Variants in ASPRV1 observed in about 807,000 individuals in gnomAD.
ASPRV1 encodes the protein retroviral-like aspartic protease 1.
A neutral mutation model predicts 11.0 loss-of-function variants in ASPRV1; 7 were observed. That is an observed-to-expected ratio of 0.64 (90% confidence interval 0.36 to 1.20). The LOEUF (loss-of-function observed/expected upper bound fraction) is 1.20. Ranked by LOEUF, ASPRV1 falls within the 50% of genes most tolerant of loss-of-function variation. ASPRV1 has a pLI of 0.02. For synonymous variants in ASPRV1, 136 were observed against 138.4 expected (o/e 0.98, Z 0.12); for missense variants, 299 against 320.0 (o/e 0.93, Z 0.50).
chr2:69,933,028 A>T, the ASPRV1 span, among the ~76,000 whole-genome samples: 1 of 151,810 alleles, frequency 6.6e-6, no homozygotes, highest in Non-Finnish European at 1.5e-5. Flanking sequence ...GTGAAACCCC[A>T]TCTCTGCTAA....
At chr2:69,988,720 A>C in the ASPRV1 span, 1 of 452,260 alleles carries the variant, frequency 2.2e-6, no homozygotes, top group African/African-American at 2.0e-5. Flanking sequence ...AAACAAACAA[A>C]AACCTTCCCC....
chr2:69,935,282 T>G, the ASPRV1 span: 1 of 1,103,046 alleles, frequency 9.1e-7, no homozygotes, highest in Non-Finnish European at 1.4e-6. Flanking sequence ...CTTTGAGAAC[T>G]CATTCTGCCT....
At chr2:70,049,071 G>A in the ASPRV1 span, 1 of 149,634 alleles carries the variant, frequency 6.7e-6, no homozygotes, top group Non-Finnish European at 1.5e-5. Flanking sequence ...AAGTTTTAGG[G>A]TACATGTGCA....
At chr2:70,026,920 T>C in the ASPRV1 span, among the ~76,000 whole-genome samples, 2 of 151,866 alleles carry the variant, frequency 1.3e-5, no homozygotes, top group Non-Finnish European at 2.9e-5. Flanking sequence ...AGAACAAAAC[T>C]AGAGGCATCG....
upstream of ASPRV1, chr2:69,964,231 C>G (rs1479342133): frequency 2.7e-6 from 1 of 376,874 alleles, no homozygotes; most frequent in Non-Finnish European, 5.3e-6. Context: ...CCAAGCCCAC[C>G]TTGGCCCCAT....
chr2:69,991,673 G>A, the ASPRV1 span, among the ~76,000 whole-genome samples: 3 of 152,046 alleles, frequency 2.0e-5, no homozygotes, highest in African/African-American at 4.8e-5. Context: ...TCAGTCTCCC[G>A]AGTAGCTGGG....
At chr2:70,070,865 T>C in the ASPRV1 span, 43,913 of 147,410 alleles carry the variant, frequency 0.3, 6,643 homozygotes, top group East Asian at 0.36. Flanking sequence ...AGACAAACTA[T>C]ATAAAAAACA....
chr2:70,013,707 C>T, the ASPRV1 span, among the ~76,000 whole-genome samples: 12 of 152,224 alleles, frequency 7.9e-5, no homozygotes, highest in Admixed American at 2.6e-4. Flanking sequence ...CTGGCCAATA[C>T]GGTGAAACCC....
At chr2:70,075,009 G>T in the ASPRV1 span, 2 of 151,876 alleles carry the variant, frequency 1.3e-5, no homozygotes, top group Admixed American at 6.5e-5. Context: ...AGCTACATGG[G>T]AGGCTGAGGC....
At chr2:69,949,941 G>A in the ASPRV1 span, among the ~76,000 whole-genome samples, 4 of 151,958 alleles carry the variant, frequency 2.6e-5, no homozygotes, top group Admixed American at 6.6e-5. Context: ...TCAGCCTCCC[G>A]AGTAGCTGGG....
the ASPRV1 span, among the ~76,000 whole-genome samples, chr2:69,947,063 G>A: frequency 2.6e-5 from 4 of 152,194 alleles, no homozygotes; most frequent in African/African-American, 4.8e-5. Context: ...CAGAACAACC[G>A]TAGGTAGAGC....
the ASPRV1 span, among the ~76,000 whole-genome samples, chr2:70,063,116 T>C: frequency 6.6e-6 from 1 of 152,154 alleles, no homozygotes; most frequent in South Asian, 2.1e-4. Context: ...GTAAGTACTC[T>C]ATCTTCATGA....
chr2:69,968,026 G>A, the ASPRV1 span, among the ~76,000 whole-genome samples: 1 of 152,116 alleles, frequency 6.6e-6, no homozygotes, highest in Admixed American at 6.5e-5. Flanking sequence ...AGGTTGCAGT[G>A]AGCTAAGATA....
chr2:69,951,446 AGTGTGTGTGTGT>A, the ASPRV1 span, among the ~76,000 whole-genome samples: 258 of 107,350 alleles, frequency 2.4e-3, no homozygotes, highest in Middle Eastern at 0.015. Flanking sequence ...AAAAAAAGTG[AGTGTGTGTGTGT>A]GTGTGTGTGT....
At chr2:69,977,516 C>T in the ASPRV1 span, among the ~76,000 whole-genome samples, 3 of 152,148 alleles carry the variant, frequency 2.0e-5, no homozygotes, top group Admixed American at 6.5e-5. Flanking sequence ...CCGGTATCTG[C>T]GTGACCTTGG....
the ASPRV1 span, among the ~76,000 whole-genome samples, chr2:69,933,025 C>G: frequency 6.6e-6 from 1 of 151,684 alleles, no homozygotes; most frequent in South Asian, 2.1e-4. Context: ...ATGGTGAAAC[C>G]CCATCTCTGC....
chr2:69,978,202 C>T, the ASPRV1 span, among the ~76,000 whole-genome samples: 2 of 152,116 alleles, frequency 1.3e-5, no homozygotes, highest in Non-Finnish European at 2.9e-5. Flanking sequence ...CTTGCTCCAA[C>T]CCCCAGAGAA....
the ASPRV1 span, among the ~76,000 whole-genome samples, chr2:70,000,376 A>G: frequency 6.6e-6 from 1 of 151,682 alleles, no homozygotes; most frequent in Non-Finnish European, 1.5e-5. Context: ...TATGACAGAC[A>G]AGGAGTTAAT....
chr2:69,989,185 C>T, the ASPRV1 span, among the ~76,000 whole-genome samples: 2 of 152,218 alleles, frequency 1.3e-5, no homozygotes, highest in African/African-American at 4.8e-5. Flanking sequence ...CTGGCTCCAT[C>T]TCCTCCTGGA....
Sources: gnomAD v4.1 joint callset for allele counts (sites outside exome capture counted in the v4.1 genomes callset) on GRCh38, gnomAD v4.1.1 for gene constraint, MANE v1.5 for transcripts, NCBI Gene and HGNC (gene_info 2026-07-23, HGNC 2026-07-21) for gene names.